The following PPP2R2B variants were observed in gnomAD, a reference collection of about 807,000 sequenced individuals.
PPP2R2B encodes protein phosphatase 2 regulatory subunit Bbeta.
Under a neutral mutation model 46.0 loss-of-function variants are expected in PPP2R2B, and 5 were observed. The ratio of observed to expected loss-of-function variants is 0.11; its 90% CI spans 0.06 to 0.23. The LOEUF is 0.23. Among genes scored for constraint, PPP2R2B ranks in the 10% least tolerant of loss-of-function variants. The pLI is 1.00. For synonymous variants in PPP2R2B, 215 were observed against 206.7 expected (o/e 1.04, Z -0.34); for missense variants, 367 against 575.0 (o/e 0.64, Z 3.70).
chr5:146,934,576 T>C (rs1035035488), intron 1 of PPP2R2B, among the ~76,000 whole-genome samples: 7 of 138,274 alleles, frequency 5.1e-5, no homozygotes, highest in Non-Finnish European at 9.2e-5. Flanking sequence ...GAGGTAGTTT[T>C]TCATAAGAAA....
At position 146,583,460 on chromosome 5, in the gene PPP2R2B, G is replaced by A. The variant is rs1449650247; in HGVS notation, c.*6487C>T. On this transcript the variant is annotated 3_prime_UTR_variant, in exon 10 of 10. Transcript: ENST00000394411. Reference sequence around the variant, plus strand: ...GAGAAAATCGAGGCACAGAGAGGTTGTCATTTTTCTAGGTTGCTCAGCTTT... The same window carrying A: ...GAGAAAATCGAGGCACAGAGAGGTTATCATTTTTCTAGGTTGCTCAGCTTT... 5 of 152,166 alleles carry A rather than the reference G, an allele frequency of 3.3e-5. No homozygotes were observed. Among genetic ancestry groups the A allele is most frequent in the African/African-American group, 1.2e-4 (5 of 41,446 alleles). The allele number at this position is 152,166 out of a possible 1,614,324, so 9.4% of individuals were successfully genotyped here. A position where few individuals can be genotyped will look rare whatever the true frequency, so the allele number is the denominator to read the frequency against.
intron 1 of PPP2R2B, among the ~76,000 whole-genome samples, chr5:147,019,073 C>T (rs181829333): frequency 3.0e-4 from 46 of 152,208 alleles, no homozygotes; most frequent in Admixed American, 2.2e-3. Flanking sequence ...TATGACTACC[C>T]GAAGTGTTTC....
chr5:146,983,588 A>G (rs1031445989), intron 1 of PPP2R2B, among the ~76,000 whole-genome samples: 1 of 152,186 alleles, frequency 6.6e-6, no homozygotes, highest in Admixed American at 6.5e-5. Context: ...CAGTTCTAGT[A>G]AACTACAGAA....
chr5:147,000,014 A>C (rs545797906), intron 1 of PPP2R2B, among the ~76,000 whole-genome samples: 2 of 152,274 alleles, frequency 1.3e-5, no homozygotes, highest in Admixed American at 1.3e-4. Context: ...GCATTCCAAA[A>C]AAAAATTCTC....
At chr5:147,055,125 A>T (rs1469234733) in intron 1 of PPP2R2B, among the ~76,000 whole-genome samples, 1 of 152,236 alleles carries the variant, frequency 6.6e-6, no homozygotes, top group African/African-American at 2.4e-5. Flanking sequence ...ACCACATTTC[A>T]TGTAAGTGCT....
intron 2 of PPP2R2B, among the ~76,000 whole-genome samples, chr5:146,794,976 C>T (rs1756434900): frequency 6.6e-6 from 1 of 151,792 alleles, no homozygotes. Flanking sequence ...TTTTTTTGTG[C>T]AAAATGAAAA....
chr5:146,841,183 G>A (rs749977001), intron 2 of PPP2R2B, among the ~76,000 whole-genome samples: 1 of 152,112 alleles, frequency 6.6e-6, no homozygotes, highest in Non-Finnish European at 1.5e-5. Context: ...CAAAGCAGAA[G>A]CCAGCTATAA....
At chr5:146,731,645 T>C (rs1321291638) in intron 2 of PPP2R2B, among the ~76,000 whole-genome samples, 3 of 152,190 alleles carry the variant, frequency 2.0e-5, no homozygotes, top group East Asian at 1.9e-4. Flanking sequence ...GTCACCCTCA[T>C]TCTCAATTTC....
chr5:146,651,007 G>A (rs1300846453), intron 5 of PPP2R2B, among the ~76,000 whole-genome samples: 2 of 152,084 alleles, frequency 1.3e-5, no homozygotes, highest in African/African-American at 4.8e-5. Context: ...CATCTCAGGG[G>A]AACTTGGCTT....
At chr5:146,706,614 G>T in intron 2 of PPP2R2B, 1 of 811,410 alleles carries the variant, frequency 1.2e-6, no homozygotes. Flanking sequence ...GCGCTGCTCC[G>T]CATCTGCGAT....
rs1026894385 is a variant in PPP2R2B at position 146,624,904 on chromosome 5, G to A, written c.790+13347C>T. Among the ~76,000 whole-genome samples, 88 of 152,180 alleles carry A rather than the reference G, an allele frequency of 5.8e-4. 2 individuals carry two copies. The highest frequency in any genetic ancestry group is 4.4e-5 in the Non-Finnish European group (3 of 68,040). ...ACCTGCCAAGCACTGTCCAGATTCA[G>A]AGCCACTCCATTTGCTGTTGCTTCT... On this transcript the variant is annotated intron_variant, in intron 7 of 9. Coordinates refer to ENST00000394411, the MANE Select transcript of PPP2R2B (RefSeq NM_181675.4).
chr5:146,894,397 T>A (rs1050685895), intron 1 of PPP2R2B, among the ~76,000 whole-genome samples: 1 of 152,208 alleles, frequency 6.6e-6, no homozygotes, highest in African/African-American at 2.4e-5. Context: ...GAGCCTATTG[T>A]GATTTATAGG....
At chr5:147,003,159 C>G (rs1754265847) in intron 1 of PPP2R2B, among the ~76,000 whole-genome samples, 1 of 152,148 alleles carries the variant, frequency 6.6e-6, no homozygotes, top group African/African-American at 2.4e-5. Flanking sequence ...CACAACTATG[C>G]AAAGCTTGCA....
At chr5:146,594,894 A>C (rs1771017693) in intron 8 of PPP2R2B, among the ~76,000 whole-genome samples, 1 of 152,090 alleles carries the variant, frequency 6.6e-6, no homozygotes, top group Non-Finnish European at 1.5e-5. Context: ...TGATGATTCG[A>C]TCTCTTTTTT....
chr5:146,657,079 G>A (rs1437394073), intron 5 of PPP2R2B, among the ~76,000 whole-genome samples: 2 of 152,204 alleles, frequency 1.3e-5, no homozygotes, highest in African/African-American at 2.4e-5. Context: ...GGGGGTTGGC[G>A]GGTCACAGTG....
chr5:146,849,605 C>A (rs959972883), intron 2 of PPP2R2B, among the ~76,000 whole-genome samples: 10 of 152,108 alleles, frequency 6.6e-5, no homozygotes, highest in African/African-American at 2.4e-4. Context: ...ACTAAAATCA[C>A]AACAATTTAT....
intron 2 of PPP2R2B, among the ~76,000 whole-genome samples, chr5:147,080,862 T>C (rs1218176238): frequency 1.3e-5 from 2 of 152,084 alleles, no homozygotes; most frequent in Non-Finnish European, 2.9e-5. Flanking sequence ...GTGCCGCTCA[T>C]TGGTAGGAAT....
chr5:146,777,231 T>A (rs902306455), intron 2 of PPP2R2B, among the ~76,000 whole-genome samples: 1 of 152,070 alleles, frequency 6.6e-6, no homozygotes, highest in African/African-American at 2.4e-5. Flanking sequence ...TAAGTGCTCA[T>A]CAACAGAAGA....
chr5:146,668,683 C>T (rs1777156949), intron 5 of PPP2R2B, among the ~76,000 whole-genome samples: 1 of 152,124 alleles, frequency 6.6e-6, no homozygotes, highest in Admixed American at 6.6e-5. Context: ...GCTGTGTTTC[C>T]ACTTTCTACA....
Sources: gnomAD v4.1 joint callset for allele counts (sites outside exome capture counted in the v4.1 genomes callset) on GRCh38, gnomAD v4.1.1 for gene constraint, MANE v1.5 for transcripts, NCBI Gene and HGNC (gene_info 2026-07-23, HGNC 2026-07-21) for gene names.